Variants in XKR6 observed in about 807,000 individuals in gnomAD.
The protein encoded by XKR6 is XK-related protein 6.
Under a neutral mutation model 56.7 loss-of-function variants are expected in XKR6, and 22 were observed. That is an observed-to-expected ratio of 0.39 (90% CI 0.28 to 0.55). XKR6 has a LOEUF of 0.55. XKR6 is among the 20% of genes least tolerant of loss of function. The pLI is 0.66. For missense variants in XKR6, 852 were observed against 889.0 expected (o/e 0.96, Z 0.53); for synonymous variants, 524 against 387.8 (o/e 1.35, Z -4.13).
chr8:11,060,374 G>A (rs539381876), intron 1 of XKR6, among the ~76,000 whole-genome samples: 1 of 152,274 alleles, frequency 6.6e-6, no homozygotes, highest in African/African-American at 2.4e-5. Context: ...CTGCACTGCA[G>A]ACCTTCCCTA....
chr8:10,994,141 C>T (rs1013061300), intron 1 of XKR6, among the ~76,000 whole-genome samples: 2 of 152,222 alleles, frequency 1.3e-5, no homozygotes, highest in South Asian at 2.1e-4. Context: ...CTGCAAAGAA[C>T]CCACCATGCA....
intron 1 of XKR6, among the ~76,000 whole-genome samples, chr8:11,193,397 T>C (rs1172056556): frequency 2.6e-5 from 4 of 152,214 alleles, no homozygotes; most frequent in Admixed American, 2.6e-4. Context: ...TTGAGCTATA[T>C]TAAAATAATA....
At chr8:11,106,446 T>C (rs1798679380) in intron 1 of XKR6, 1 of 152,314 alleles carries the variant, frequency 6.6e-6, no homozygotes, top group African/African-American at 2.4e-5. Flanking sequence ...CAAGGGAATA[T>C]GGTGGTTGGA....
chr8:11,173,012 T>C (rs1000408904), intron 1 of XKR6, among the ~76,000 whole-genome samples: 5 of 152,064 alleles, frequency 3.3e-5, no homozygotes, highest in African/African-American at 9.7e-5. Context: ...TTTACCTGAT[T>C]TGGGGGCCAA....
chr8:11,088,756 G>C (rs1037635807), intron 1 of XKR6, among the ~76,000 whole-genome samples: 1 of 152,204 alleles, frequency 6.6e-6, no homozygotes, highest in African/African-American at 2.4e-5. Flanking sequence ...TATTTAATGA[G>C]CTCCTGTAAG....
intron 1 of XKR6, among the ~76,000 whole-genome samples, chr8:10,963,466 C>G (rs753210035): frequency 6.6e-6 from 1 of 152,182 alleles, no homozygotes; most frequent in Non-Finnish European, 1.5e-5. Flanking sequence ...ACTGGGATGA[C>G]CAGACAATCC....
intron 1 of XKR6, among the ~76,000 whole-genome samples, chr8:11,199,118 G>A (rs1804054763): frequency 6.6e-6 from 1 of 152,118 alleles, no homozygotes; most frequent in East Asian, 1.9e-4. Context: ...AAACTTATCA[G>A]CAGGAAACAA....
Position 11,021,410 on chromosome 8 carries a change from T to G in XKR6, c.765-96580A>C, listed in dbSNP as rs565125348. ...CATCGGATTAAGGATGAGCTTAATG[T>G]ATAATGTATAAACCCATGGACAGAG... On this transcript the variant is annotated intron_variant, in intron 1 of 2. Coordinates refer to ENST00000416569, the MANE Select transcript of XKR6 (RefSeq NM_173683.4). 2.0e-5 allele frequency among the ~76,000 whole-genome samples: 3 copies of G among 152,364 alleles called. No individual in the cohort carries two copies. The South Asian group carries it at 6.2e-4, about 32-fold the overall frequency.
intron 1 of XKR6, among the ~76,000 whole-genome samples, chr8:10,958,644 CACAGG>C (rs1273138074): frequency 6.6e-6 from 1 of 152,208 alleles, no homozygotes; most frequent in Non-Finnish European, 1.5e-5. Flanking sequence ...CAGAGGAAGA[CACAGG>C]CAGGAGCCTG....
intron 1 of XKR6, among the ~76,000 whole-genome samples, chr8:10,975,761 C>G (rs1802535903): frequency 6.6e-6 from 1 of 152,238 alleles, no homozygotes; most frequent in East Asian, 1.9e-4. Context: ...CCGAGTCACA[C>G]TGTGTCTGCT....
At chr8:11,003,875 G>T (rs7350066) in intron 1 of XKR6, among the ~76,000 whole-genome samples, 38,257 of 152,164 alleles carry the variant, frequency 0.25, 5,334 homozygotes, top group African/African-American at 0.35. Flanking sequence ...AGGGAGAAAA[G>T]AGTCCAGGTG....
chr8:10,967,386 C>T (rs922280121), intron 1 of XKR6, among the ~76,000 whole-genome samples: 7 of 152,174 alleles, frequency 4.6e-5, no homozygotes, highest in African/African-American at 1.7e-4. Flanking sequence ...CTCTCTCTAG[C>T]CCTTCTTAAC....
At chr8:10,954,192 G>A (rs1586350098) in intron 1 of XKR6, among the ~76,000 whole-genome samples, 1 of 152,228 alleles carries the variant, frequency 6.6e-6, no homozygotes, top group East Asian at 1.9e-4. Context: ...TAGTGGAACT[G>A]CTGGGTCACA....
chr8:10,935,987 G>A (rs1055725766), intron 1 of XKR6, among the ~76,000 whole-genome samples: 27 of 150,334 alleles, frequency 1.8e-4, no homozygotes, highest in African/African-American at 6.1e-4. Flanking sequence ...TCTGTCTAAT[G>A]TTGACAGTGG....
intron 1 of XKR6, among the ~76,000 whole-genome samples, chr8:10,938,824 A>G (rs761755583): frequency 6.6e-6 from 1 of 152,236 alleles, no homozygotes; most frequent in Non-Finnish European, 1.5e-5. Flanking sequence ...ACAAACACAC[A>G]TACAAGTCAA....
chr8:11,088,694 G>C (rs1413525230), intron 1 of XKR6, among the ~76,000 whole-genome samples: 3 of 152,166 alleles, frequency 2.0e-5, no homozygotes, highest in Non-Finnish European at 4.4e-5. Context: ...TCTTAACACT[G>C]ATTTCAACGT....
rs1554478604 is a variant in XKR6 at position 11,173,366 on chromosome 8, T to TATACAC, written c.764+27209_764+27210insGTGTAT. ...CTTAAAAAAAATATATATATATATA[T>TATACAC]ACACACACACACACACACACAAATA... On this transcript the variant is annotated intron_variant, in intron 1 of 2. Coordinates refer to ENST00000416569, the MANE Select transcript of XKR6 (RefSeq NM_173683.4). 1.6e-3 allele frequency among the ~76,000 whole-genome samples: 231 copies of TATACAC among 143,968 alleles called. 1 individual carries two copies. The highest frequency in any genetic ancestry group is 5.7e-3 in the African/African-American group (214 of 37,814). 94.4% of individuals were successfully genotyped at this position (143,968 alleles called of 152,430 possible). A position where few individuals can be genotyped will look rare whatever the true frequency, so the allele number is the denominator to read the frequency against.
chr8:11,083,868 C>T (rs1011240323), intron 1 of XKR6, among the ~76,000 whole-genome samples: 1 of 151,648 alleles, frequency 6.6e-6, no homozygotes. Context: ...TAAATTTTTG[C>T]AAGGAAATGC....
intron 1 of XKR6, among the ~76,000 whole-genome samples, chr8:11,188,717 A>G (rs1174748120): frequency 1.3e-5 from 2 of 152,134 alleles, no homozygotes; most frequent in African/African-American, 4.8e-5. Context: ...ACAAAATGAC[A>G]GATTTGGAGT....
Sources: gnomAD v4.1 joint callset for allele counts (sites outside exome capture counted in the v4.1 genomes callset) on GRCh38, gnomAD v4.1.1 for gene constraint, MANE v1.5 for transcripts, NCBI Gene and HGNC (gene_info 2026-07-23, HGNC 2026-07-21) for gene names.